DLG2: variants seen among roughly 807,000 people sequenced by gnomAD.
DLG2 encodes discs large MAGUK scaffold protein 2, also known as disks large homolog 2.
Under a neutral mutation model 132.5 loss-of-function variants are expected in DLG2, and 45 were observed. That is an observed-to-expected ratio of 0.34 (90% CI 0.27 to 0.44). DLG2 has a LOEUF of 0.44. Among genes scored for constraint, DLG2 ranks in the 20% least tolerant of loss-of-function variants. The probability of loss-of-function intolerance (pLI) is 1.00; values close to 1 mark genes in which losing one functional copy is unlikely to be tolerated. For missense variants in DLG2, 1,045 were observed against 1,196.9 expected (o/e 0.87, Z 1.87); for synonymous variants, 424 against 419.6 (o/e 1.01, Z -0.13).
chr11:84,040,354 G>A (rs1197350884), intron 11 of DLG2, among the ~76,000 whole-genome samples: 2 of 152,064 alleles, frequency 1.3e-5, no homozygotes, highest in Non-Finnish European at 2.9e-5. Flanking sequence ...ATGGTTTTAG[G>A]TCTAACGTTT....
chr11:84,840,679 A>G (rs1327892481), intron 6 of DLG2, among the ~76,000 whole-genome samples: 2 of 152,140 alleles, frequency 1.3e-5, no homozygotes, highest in Admixed American at 6.6e-5. Context: ...GGATGAGTTT[A>G]TGTCCTTTGT....
chr11:83,997,116 A>T (rs1337228167), intron 11 of DLG2, among the ~76,000 whole-genome samples: 142 of 9,996 alleles, frequency 0.014, 1 homozygote, highest in African/African-American at 0.069. Flanking sequence ...CACAAAAACT[A>T]AAAGTAAAAA....
In DLG2 at chr11:83,459,040, T is replaced by C. The variant is rs2135926194; in HGVS notation, c.*778A>G. On this transcript the variant is annotated 3_prime_UTR_variant, in exon 28 of 28. Coordinates refer to ENST00000376104, the MANE Select transcript of DLG2 (RefSeq NM_001142699.3). Reference sequence around the variant, plus strand: ...CATTTAGTCTTTCAATATTAGTCTTTACAAAATATTTCACAAAACTTTTTT... The same window carrying C: ...CATTTAGTCTTTCAATATTAGTCTTCACAAAATATTTCACAAAACTTTTTT... 6.6e-6 allele frequency: 1 copy of C among 152,598 alleles called. No individual in the cohort carries two copies. The highest frequency in any genetic ancestry group is 2.1e-4 in the South Asian group (1 of 4,824). The allele number at this position is 152,598 out of a possible 1,614,324, so 9.5% of individuals were successfully genotyped here.
chr11:83,814,541 G>C (rs1346510550), intron 17 of DLG2: 1 of 202,650 alleles, frequency 4.9e-6, no homozygotes, highest in Non-Finnish European at 1.1e-5. Flanking sequence ...AGCTTTACCT[G>C]TGTAAGGTCT....
intron 6 of DLG2, among the ~76,000 whole-genome samples, chr11:84,560,635 C>G (rs75493447): frequency 0.062 from 9,465 of 151,988 alleles, 362 homozygotes; most frequent in South Asian, 0.099. Flanking sequence ...AACAAATGTA[C>G]ATTTTGGGTT....
At chr11:84,833,261 A>G (rs1351935941) in intron 6 of DLG2, among the ~76,000 whole-genome samples, 1 of 151,606 alleles carries the variant, frequency 6.6e-6, no homozygotes, top group Non-Finnish European at 1.5e-5. Context: ...TACTGAGCTA[A>G]TAAATTCACA....
At chr11:83,888,798 G>A (rs1445282037) in intron 15 of DLG2, among the ~76,000 whole-genome samples, 1 of 152,082 alleles carries the variant, frequency 6.6e-6, no homozygotes, top group African/African-American at 2.4e-5. Context: ...CAGAAATAAA[G>A]CCGCATATCT....
intron 3 of DLG2, among the ~76,000 whole-genome samples, chr11:85,403,843 A>AAAAGAAGACAGAGGATTG (rs2088448954): frequency 6.6e-6 from 1 of 152,028 alleles, no homozygotes; most frequent in Admixed American, 6.6e-5. Context: ...TATACCACAC[A>AAAAGAAGACAGAGGATTG]AAAGAAGACA....
intron 12 of DLG2, among the ~76,000 whole-genome samples, chr11:83,972,029 T>C (rs1225848515): frequency 6.6e-6 from 1 of 152,088 alleles, no homozygotes; most frequent in Non-Finnish European, 1.5e-5. Context: ...AGAAGCTAAG[T>C]ACAGTGGTGT....
chr11:83,978,650 A>G (rs191702743), intron 12 of DLG2, among the ~76,000 whole-genome samples: 7 of 152,258 alleles, frequency 4.6e-5, no homozygotes, highest in African/African-American at 1.4e-4. Context: ...GCAGCCCACA[A>G]CTGTTAACTT....
At chr11:83,860,423 T>C (rs930420918) in intron 16 of DLG2, among the ~76,000 whole-genome samples, 1 of 152,178 alleles carries the variant, frequency 6.6e-6, no homozygotes, top group African/African-American at 2.4e-5. Context: ...GAGCCCATTT[T>C]GGAGCTTTAA....
At chr11:84,530,163 T>G (rs2099332148) in intron 7 of DLG2, among the ~76,000 whole-genome samples, 1 of 152,192 alleles carries the variant, frequency 6.6e-6, no homozygotes, top group Non-Finnish European at 1.5e-5. Flanking sequence ...ATTAAAGACT[T>G]AAATACAAAA....
intron 6 of DLG2, among the ~76,000 whole-genome samples, chr11:84,652,528 T>A (rs1037122104): frequency 1.3e-5 from 2 of 152,136 alleles, no homozygotes; most frequent in African/African-American, 4.8e-5. Context: ...GAAATCAAAC[T>A]GTTTATGGAA....
At chr11:85,220,637 A>AAAAAAATATATAT (rs371263007) in intron 4 of DLG2, among the ~76,000 whole-genome samples, 26 of 148,316 alleles carry the variant, frequency 1.8e-4, no homozygotes, top group African/African-American at 5.9e-4. Flanking sequence ...TAGAAAAAAA[A>AAAAAAATATATAT]ATATATATAT....
chr11:85,198,965 A>G (rs2081256006), intron 4 of DLG2, among the ~76,000 whole-genome samples: 1 of 152,140 alleles, frequency 6.6e-6, no homozygotes, highest in Non-Finnish European at 1.5e-5. Flanking sequence ...TTTCAGGTCT[A>G]ATGTCAACCT....
intron 6 of DLG2, among the ~76,000 whole-genome samples, chr11:85,023,581 C>T (rs2060261021): frequency 6.6e-6 from 1 of 151,802 alleles, no homozygotes; most frequent in African/African-American, 2.4e-5. Context: ...AATACACAAA[C>T]AAAATAGTTT....
intron 3 of DLG2, among the ~76,000 whole-genome samples, chr11:85,596,628 A>C (rs1223952411): frequency 2.0e-5 from 3 of 152,150 alleles, no homozygotes; most frequent in Non-Finnish European, 4.4e-5. Flanking sequence ...ACTATCTTGC[A>C]CTACTTGTAA....
intron 5 of DLG2, chr11:85,133,029 T>C (rs2075852544): frequency 5.8e-6 from 2 of 345,548 alleles, no homozygotes; most frequent in South Asian, 4.5e-5. Context: ...CCGGCAAAAC[T>C]TCCCGGTGGC....
intron 4 of DLG2, among the ~76,000 whole-genome samples, chr11:85,276,772 C>T (rs1256379839): frequency 6.6e-6 from 1 of 152,120 alleles, no homozygotes; most frequent in Non-Finnish European, 1.5e-5. Flanking sequence ...TACAGTCAAT[C>T]ATCTACTTCA....
Sources: gnomAD v4.1 joint callset for allele counts (sites outside exome capture counted in the v4.1 genomes callset) on GRCh38, gnomAD v4.1.1 for gene constraint, MANE v1.5 for transcripts, NCBI Gene and HGNC (gene_info 2026-07-23, HGNC 2026-07-21) for gene names.